The following USP13 variants were observed in gnomAD, a reference collection of about 807,000 sequenced individuals.
USP13 encodes the protein ubiquitin specific peptidase 13.
A neutral mutation model predicts 107.8 loss-of-function variants in USP13; 68 were observed. The observed-to-expected ratio is 0.63, with a 90% CI of 0.52 to 0.77. USP13 has a LOEUF of 0.77. Ranked by LOEUF, USP13 falls within the 30% of genes least tolerant of loss-of-function variation. The pLI is 0.00. For synonymous variants in USP13, 377 were observed against 389.5 expected, an observed-to-expected ratio of 0.97 and a Z score of 0.38; for missense variants, 945 against 1,093.3, an observed-to-expected ratio of 0.86 and a Z score of 1.91.
rs1015666304 is a variant in USP13, at chr3:179,653,124, G to C, written c.-102G>C. On this transcript the variant is annotated 5_prime_UTR_variant, in exon 1 of 21. Transcript: ENST00000263966. The surrounding 1 kb of genome is among the most constrained non-coding windows in gnomAD (Gnocchi z 4.0). ...CCGGCTCGGCCGGCTGCCGTTGCCC[G>C]CGCAGCCCGCCCGTCAGCCCGCTCG... 1.6e-5 allele frequency: 15 copies of C among 963,352 alleles called. No homozygotes were observed. The African/African-American group carries it at 2.5e-4, about 16-fold the overall frequency. 59.7% of individuals were successfully genotyped at this position (963,352 alleles called of 1,614,324 possible). A position where few individuals can be genotyped will look rare whatever the true frequency, so the allele number is the denominator to read the frequency against.
At chr3:179,696,616 G>A (rs1332797808) in intron 3 of USP13, among the ~76,000 whole-genome samples, 1 of 152,176 alleles carries the variant, frequency 6.6e-6, no homozygotes, top group Admixed American at 6.5e-5. Flanking sequence ...ACAGGCGTGA[G>A]CCACTGCGCC....
chr3:179,749,076 T>C (rs998441751), intron 13 of USP13, among the ~76,000 whole-genome samples: 7 of 152,324 alleles, frequency 4.6e-5, no homozygotes, highest in Admixed American at 1.3e-4. Context: ...TTTCAACCAG[T>C]AGACAGGAAG....
In USP13 at chr3:179,786,494, T is replaced by G. The variant is rs1416889570; in HGVS notation, c.*2353T>G. 6.6e-6 allele frequency: 1 copy of G among 152,284 alleles called. No homozygotes were observed. Among genetic ancestry groups the G allele is most frequent in the Non-Finnish European group, 1.5e-5 (1 of 68,054 alleles). 9.4% of individuals were successfully genotyped at this position (152,284 alleles called of 1,614,324 possible). On this transcript the variant is annotated 3_prime_UTR_variant, in exon 21 of 21. Transcript: ENST00000263966. ...ATGCCTAGACATGTTGTAAAAAAATTGTGCTATGGCTGCCTTTTCTTCTGC... is the reference window on the plus strand; with the variant it reads ...ATGCCTAGACATGTTGTAAAAAAATGGTGCTATGGCTGCCTTTTCTTCTGC...
rs1344043405 is a variant in USP13, at chr3:179,761,095, C to A, written c.1949-17C>A. On this transcript the variant is annotated splice_polypyrimidine_tract_variant and intron_variant, in intron 16 of 20. Transcript: ENST00000263966. ...AGTTTCCTCTTTCACACTAGAATAT[C>A]CTGTTGTGCTCTGTAGCATCAGACA... 6.2e-7 allele frequency: 1 copy of A among 1,614,032 alleles called. No homozygotes were observed. The highest frequency in any genetic ancestry group is 1.1e-5 in the South Asian group (1 of 91,058).
At chr3:179,664,588 C>T (rs1444170618) in intron 1 of USP13, among the ~76,000 whole-genome samples, 2 of 152,146 alleles carry the variant, frequency 1.3e-5, no homozygotes, top group Non-Finnish European at 2.9e-5. Flanking sequence ...GCAGATCAGG[C>T]CTCTGTCTGG....
At chr3:179,679,027 G>A (rs1310124172) in intron 1 of USP13, among the ~76,000 whole-genome samples, 2 of 152,042 alleles carry the variant, frequency 1.3e-5, no homozygotes, top group Non-Finnish European at 2.9e-5. Context: ...TGCTACAGTA[G>A]GAGGCACATA....
In USP13 at chr3:179,674,716, ATTTAT is replaced by A. The variant is rs796444827; in HGVS notation, c.169-7161_169-7157del. 2.7e-3 allele frequency among the ~76,000 whole-genome samples: 404 copies of A among 151,756 alleles called. 5 individuals are homozygous for A. Among genetic ancestry groups the A allele is most frequent in the African/African-American group, 9.4e-3 (387 of 41,356 alleles). The stretch of plus-strand genomic sequence containing the variant: ...TTTGCTCTCTAGAAAGGCTGAGCCG[ATTTAT>A]ATTGTAGGAGAGGATATACGGGTTT... On this transcript the variant is annotated intron_variant, in intron 1 of 20. Transcript: ENST00000263966.
chr3:179,698,204 A>G (rs932676286), intron 3 of USP13, among the ~76,000 whole-genome samples: 10 of 152,188 alleles, frequency 6.6e-5, no homozygotes, highest in African/African-American at 2.2e-4. Flanking sequence ...CAGATTTCAC[A>G]GAAGATCCCC....
At chr3:179,708,037 C>T (rs750571485) in intron 5 of USP13, among the ~76,000 whole-genome samples, 15 of 152,146 alleles carry the variant, frequency 9.9e-5, no homozygotes, top group African/African-American at 3.6e-4. Flanking sequence ...GCAGTGTAGT[C>T]GGATTTGTAT....
At chr3:179,728,994 G>GAGAGGA (rs1713692427) in intron 8 of USP13, among the ~76,000 whole-genome samples, 1 of 151,918 alleles carries the variant, frequency 6.6e-6, no homozygotes, top group Non-Finnish European at 1.5e-5. Flanking sequence ...GAGGGAGAGG[G>GAGAGGA]AGAGGGAGAG....
intron 6 of USP13, among the ~76,000 whole-genome samples, chr3:179,712,690 A>G (rs564547739): frequency 6.6e-6 from 1 of 151,832 alleles, no homozygotes; most frequent in South Asian, 2.1e-4. Flanking sequence ...TATATATGCA[A>G]ATCTTTGGGT....
Position 179,728,016 on chromosome 3 carries a change from T to C in USP13, c.1089-2173T>C, listed in dbSNP as rs549463594. On this transcript the variant is annotated intron_variant, in intron 8 of 20. Transcript: ENST00000263966. ...CTCCCAGACGGGGCGGCTGGCCAGG[T>C]GGGGGGCTGATCCCCACCACCTCCC... 3.3e-3 allele frequency among the ~76,000 whole-genome samples: 105 copies of C among 31,428 alleles called. 6 individuals carry two copies. Among genetic ancestry groups the C allele is most frequent in the African/African-American group, 0.01 (94 of 9,080 alleles). 20.6% of individuals were successfully genotyped at this position (31,428 alleles called of 152,430 possible).
Position 179,681,913 on chromosome 3 carries a change from A to C in USP13, c.204A>C (p.Thr68=), listed in dbSNP as rs749180490. 1 of 1,613,956 alleles carries C rather than the reference A, an allele frequency of 6.2e-7. No individual in the cohort carries two copies. Among genetic ancestry groups the C allele is most frequent in the Middle Eastern group, 1.6e-4 (1 of 6,062 alleles). The change falls in exon 2 of 21, where the codon ACA becomes ACC. Residue 68 remains threonine (T), a synonymous_variant. Coordinates refer to ENST00000263966, the MANE Select transcript of USP13 (RefSeq NM_003940.3). ...GTGGACTCTATGTATGCATGAATAC[A>C]TTTTTGGCCTTTGGAAGGGAACATG... ...SEGGLYVCMN[T]FLAFGREHVE... is the part of the protein sequence containing the mutation.
intron 2 of USP13, among the ~76,000 whole-genome samples, chr3:179,687,382 A>C (rs1478322121): frequency 6.6e-6 from 1 of 151,822 alleles, no homozygotes; most frequent in African/African-American, 2.4e-5. Flanking sequence ...AGTGCTGGCC[A>C]GGTGCGGTGG....
chr3:179,714,404 C>T (rs1363775723), intron 6 of USP13, among the ~76,000 whole-genome samples: 1 of 152,200 alleles, frequency 6.6e-6, no homozygotes, highest in Non-Finnish European at 1.5e-5. Flanking sequence ...TTGGCCTGGC[C>T]TCGGCCCCTG....
chr3:179,703,452 C>A (rs1013119700), intron 4 of USP13, among the ~76,000 whole-genome samples: 1 of 152,150 alleles, frequency 6.6e-6, no homozygotes, highest in Non-Finnish European at 1.5e-5. Flanking sequence ...AAAGTTAAAG[C>A]ACCTCTGGGT....
rs1720136061 is a variant in USP13, at chr3:179,653,199, C to T, written c.-27C>T. ...CCCGCGCTCCGGCTCCGGCTCGGCT[C>T]GCTCGGCTCCGGTGCGCGCCGAGGC... On this transcript the variant is annotated 5_prime_UTR_variant, in exon 1 of 21. Coordinates refer to ENST00000263966, the MANE Select transcript of USP13 (RefSeq NM_003940.3). This position sits in a 1 kb window ranked among gnomAD's most constrained non-coding sequence, Gnocchi z 4.0. 3.7e-6 allele frequency: 5 copies of T among 1,350,982 alleles called. No individual in the cohort carries two copies. The highest frequency in any genetic ancestry group is 5.2e-4 in the Middle Eastern group (2 of 3,868). The allele number at this position is 1,350,982 out of a possible 1,614,324, so 83.7% of individuals were successfully genotyped here.
intron 8 of USP13, among the ~76,000 whole-genome samples, chr3:179,728,658 C>G (rs1486151645): frequency 6.6e-6 from 1 of 152,068 alleles, no homozygotes; most frequent in Non-Finnish European, 1.5e-5. Flanking sequence ...TGTAGCGAGC[C>G]GAGATCACGC....
intron 1 of USP13, among the ~76,000 whole-genome samples, chr3:179,673,969 C>T (rs991280771): frequency 2.6e-5 from 4 of 152,130 alleles, no homozygotes; most frequent in African/African-American, 7.2e-5. Flanking sequence ...CTTGGCTCAC[C>T]GCAACCTCCG....
Sources: allele counts gnomAD v4.1 joint callset (sites outside exome capture counted in the v4.1 genomes callset), GRCh38; gene constraint gnomAD v4.1.1; non-coding constraint Gnocchi (gnomAD v3.1); transcripts MANE v1.5; gene names NCBI Gene and HGNC (gene_info 2026-07-23, HGNC 2026-07-21).